SORCS1: variants seen among roughly 807,000 people sequenced by gnomAD.
SORCS1 encodes VPS10 domain-containing receptor SorCS1.
A neutral mutation model predicts 146.1 loss-of-function variants in SORCS1; 60 were observed. That is an observed-to-expected ratio of 0.41 (90% confidence interval 0.33 to 0.51). The LOEUF (loss-of-function observed/expected upper bound fraction) is 0.51, where lower values mean the gene tolerates loss of function less well. SORCS1 is among the 20% of genes least tolerant of loss of function. The probability of loss-of-function intolerance (pLI) is 0.21; values close to 1 mark genes in which losing one functional copy is unlikely to be tolerated. For missense variants in SORCS1, 1,352 were observed against 1,487.6 expected (o/e 0.91, Z 1.50); for synonymous variants, 637 against 584.0 (o/e 1.09, Z -1.31).
chr10:106,822,930 G>A (rs371877310), intron 3 of SORCS1, among the ~76,000 whole-genome samples: 2 of 145,876 alleles, frequency 1.4e-5, no homozygotes, highest in African/African-American at 5.2e-5. Flanking sequence ...ACAGGCACCT[G>A]CCACCGCACC....
intron 3 of SORCS1, among the ~76,000 whole-genome samples, chr10:106,806,308 C>T (rs971253067): frequency 6.6e-6 from 1 of 150,548 alleles, no homozygotes; most frequent in African/African-American, 2.4e-5. Context: ...GCAGAGGTTG[C>T]AGTGAGCCGA....
intron 24 of SORCS1, among the ~76,000 whole-genome samples, chr10:106,592,414 C>T (rs1008338209): frequency 6.6e-6 from 1 of 152,166 alleles, no homozygotes; most frequent in Non-Finnish European, 1.5e-5. Context: ...TAAAAGCAAA[C>T]AGGGAAGTGA....
At chr10:107,035,865 T>G (rs1305522545) in intron 1 of SORCS1, among the ~76,000 whole-genome samples, 3 of 151,262 alleles carry the variant, frequency 2.0e-5, no homozygotes, top group South Asian at 2.1e-4. Flanking sequence ...CTTATAAGTA[T>G]AGTTCCCATT....
Position 106,719,127 on chromosome 10 carries a change from G to A in SORCS1, c.1025-9786C>T, listed in dbSNP as rs546122906. Among the ~76,000 whole-genome samples the A allele has an allele frequency of 1.1e-4, 17 of 152,218 alleles. No individual in the cohort carries two copies. In the South Asian group the frequency reaches 1.2e-3, roughly 11 times the overall value. ...GGAGTAGGGGAAGGAGTTAAAGAGC[G>A]ACAGAGACAGAGAGAGAAGGATAAA... On this transcript the variant is annotated intron_variant, in intron 6 of 25. Transcript: ENST00000263054.
chr10:106,649,233 C>T (rs1184897564), intron 18 of SORCS1, among the ~76,000 whole-genome samples: 2 of 152,088 alleles, frequency 1.3e-5, no homozygotes, highest in African/African-American at 4.8e-5. Context: ...GTCTACAGAC[C>T]GCAAAACAGA....
intron 1 of SORCS1, among the ~76,000 whole-genome samples, chr10:107,020,522 A>G (rs1265005647): frequency 1.3e-5 from 2 of 152,230 alleles, no homozygotes; most frequent in Non-Finnish European, 2.9e-5. Flanking sequence ...TAGCATTTAT[A>G]GCTGTTTTTG....
chr10:106,679,920 A>C (rs1244319263), intron 10 of SORCS1, among the ~76,000 whole-genome samples, 186 bp from the exon 11 acceptor site: 1 of 152,162 alleles, frequency 6.6e-6, no homozygotes, highest in Non-Finnish European at 1.5e-5. Flanking sequence ...AGTGTCCACT[A>C]AGTGTAAAAC....
intron 24 of SORCS1, among the ~76,000 whole-genome samples, chr10:106,587,904 T>A (rs1239132774): frequency 6.6e-6 from 1 of 152,184 alleles, no homozygotes; most frequent in African/African-American, 2.4e-5. Flanking sequence ...TTGATAAATA[T>A]TAACCCTTTA....
intron 1 of SORCS1, among the ~76,000 whole-genome samples, chr10:107,141,136 A>C (rs1482545533): frequency 6.6e-6 from 1 of 152,108 alleles, no homozygotes; most frequent in Non-Finnish European, 1.5e-5. Context: ...TGTTAACTAC[A>C]CTCAGTTACC....
intron 2 of SORCS1, among the ~76,000 whole-genome samples, chr10:106,900,757 A>T (rs1369162087): frequency 6.6e-6 from 1 of 152,026 alleles, no homozygotes; most frequent in Non-Finnish European, 1.5e-5. Context: ...TTCTGGTTGA[A>T]CTCGACTAAG....
At chr10:106,828,871 A>G (rs1948412400) in intron 3 of SORCS1, among the ~76,000 whole-genome samples, 1 of 152,136 alleles carries the variant, frequency 6.6e-6, no homozygotes, top group African/African-American at 2.4e-5. Flanking sequence ...TGGAAAAAGT[A>G]TGACTGCTAA....
At chr10:106,938,056 C>G (rs1446481090) in intron 2 of SORCS1, among the ~76,000 whole-genome samples, 3 of 151,666 alleles carry the variant, frequency 2.0e-5, no homozygotes, top group Non-Finnish European at 4.4e-5. Flanking sequence ...CATCCTTAAC[C>G]ACAGCTTGGA....
At position 106,649,882 on chromosome 10, in the gene SORCS1, T is replaced by C. The variant is rs9645573; in HGVS notation, c.2475+2500A>G. ...AACTTCTATTCATATGGGTTCAATT[T>C]CCTGTAAACCTAAGTTCTTAATATC... On this transcript the variant is annotated intron_variant, in intron 18 of 25. Coordinates refer to ENST00000263054, the MANE Select transcript of SORCS1 (RefSeq NM_052918.5). 7.9e-3 allele frequency among the ~76,000 whole-genome samples: 1,207 copies of C among 152,324 alleles called. 11 individuals carry two copies. The highest frequency in any genetic ancestry group is 9.8e-3 in the Non-Finnish European group (664 of 68,026).
intron 1 of SORCS1, among the ~76,000 whole-genome samples, chr10:107,037,570 A>G (rs1484188795): frequency 1.3e-5 from 2 of 152,274 alleles, no homozygotes; most frequent in African/African-American, 2.4e-5. Context: ...TCTTTCTCAT[A>G]TAAAATCAGT....
chr10:107,057,188 T>C (rs1257130437), intron 1 of SORCS1, among the ~76,000 whole-genome samples: 2 of 152,208 alleles, frequency 1.3e-5, no homozygotes, highest in Non-Finnish European at 2.9e-5. Flanking sequence ...AAATCATCAG[T>C]GGATAACCAC....
At chr10:107,040,781 C>T (rs114630477) in intron 1 of SORCS1, among the ~76,000 whole-genome samples, 212 of 152,270 alleles carry the variant, frequency 1.4e-3, no homozygotes, top group African/African-American at 4.3e-3. Flanking sequence ...GCAGCAGCAT[C>T]ATTAGCACTT....
chr10:106,859,154 A>C (rs971819088), intron 2 of SORCS1, among the ~76,000 whole-genome samples: 1 of 151,760 alleles, frequency 6.6e-6, no homozygotes, highest in African/African-American at 2.4e-5. Context: ...TTAACATTCT[A>C]CTCCACAGTT....
intron 1 of SORCS1, among the ~76,000 whole-genome samples, chr10:107,101,046 C>T (rs1010914573): frequency 5.3e-5 from 8 of 152,012 alleles, no homozygotes; most frequent in African/African-American, 1.9e-4. Flanking sequence ...AGGCATGCAC[C>T]ACCACACTTA....
At chr10:106,916,449 T>A (rs531470640) in intron 2 of SORCS1, among the ~76,000 whole-genome samples, 1 of 149,050 alleles carries the variant, frequency 6.7e-6, no homozygotes. Context: ...ATTGTATATA[T>A]GATTATATAT....
Sources: allele counts gnomAD v4.1 joint callset (sites outside exome capture counted in the v4.1 genomes callset), GRCh38; gene constraint gnomAD v4.1.1; transcripts MANE v1.5; gene names NCBI Gene and HGNC (gene_info 2026-07-23, HGNC 2026-07-21).